The following SPINK8 variants were observed in gnomAD, a reference collection of about 807,000 sequenced individuals.
SPINK8 encodes the protein serine protease inhibitor Kazal-type 8.
SPINK8 carries 12 observed loss-of-function variants against 14.4 expected under a neutral mutation model. That is an observed-to-expected ratio of 0.83 (90% CI 0.53 to 1.35). The LOEUF (loss-of-function observed/expected upper bound fraction) is 1.35. SPINK8 is among the 40% of genes most tolerant of loss of function. The pLI is 0.00. For synonymous variants in SPINK8, 32 were observed against 37.6 expected, an observed-to-expected ratio of 0.85 and a Z score of 0.55; for missense variants, 103 against 117.0, an observed-to-expected ratio of 0.88 and a Z score of 0.55.
intron 2 of SPINK8, among the ~76,000 whole-genome samples, 119 bp from the exon 3 acceptor site, chr3:48,329,393 G>T (rs1399969011): frequency 6.6e-6 from 1 of 152,178 alleles, no homozygotes; most frequent in African/African-American, 2.4e-5. Flanking sequence ...TCAAATTTCT[G>T]AGGGTGATAT....
Position 48,306,935 on chromosome 3 carries a change from T to G in SPINK8, c.*57A>C. The G allele has an allele frequency of 1.3e-6, 2 of 1,589,570 alleles. No homozygotes were observed. The highest frequency in any genetic ancestry group is 1.7e-6 in the Non-Finnish European group (2 of 1,160,568). ...GGGATATATTTGAAGAGGCAACCAT[T>G]GTGTTTCACTTGGCAATCTGGAGAT... is the stretch of plus-strand genomic sequence containing the variant. On this transcript the variant is annotated 3_prime_UTR_variant, in exon 8 of 8. Coordinates refer to ENST00000434006, the MANE Select transcript of SPINK8 (RefSeq NM_001080525.3).
Position 48,330,467 on chromosome 3 carries a change from C to T in SPINK8, c.-135-1193G>A, listed in dbSNP as rs759462986. Among the ~76,000 whole-genome samples the T allele has an allele frequency of 4.6e-5, 7 of 152,180 alleles. No homozygotes were observed. The South Asian group carries it at 6.2e-4, about 14-fold the overall frequency. Reference sequence around the variant, plus strand: ...CCAAGAGGCAGAGGTTGCAGTAAGCCGAGATCGCGCCACTGCACTCTAGCT... The same window carrying T: ...CCAAGAGGCAGAGGTTGCAGTAAGCTGAGATCGCGCCACTGCACTCTAGCT... On this transcript the variant is annotated intron_variant, in intron 2 of 7. Coordinates refer to ENST00000434006, the MANE Select transcript of SPINK8 (RefSeq NM_001080525.3).
At chr3:48,325,427 AT>A (rs60106004) in intron 4 of SPINK8, among the ~76,000 whole-genome samples, 31,236 of 140,042 alleles carry the variant, frequency 0.22, 3,907 homozygotes, top group South Asian at 0.3. Context: ...TAACGTTGTA[AT>A]TTTTTTTTTT....
At position 48,328,265 on chromosome 3, in the gene SPINK8, C is replaced by T. The variant is rs2036172684; in HGVS notation, c.67+10G>A. On this transcript the variant is annotated intron_variant, in intron 4 of 7. Transcript: ENST00000434006. ...AGAAAATGTGGGCAGAGCAAGGACA[C>T]ATAACTCACCAATTGCAAAGGCCAT... The T allele has an allele frequency of 6.2e-7, 1 of 1,607,084 alleles. No homozygotes were observed. Among genetic ancestry groups the T allele is most frequent in the Non-Finnish European group, 8.5e-7 (1 of 1,176,472 alleles).
At chr3:48,314,775 C>G (rs2035964410) in intron 6 of SPINK8, among the ~76,000 whole-genome samples, 1 of 152,098 alleles carries the variant, frequency 6.6e-6, no homozygotes, top group Admixed American at 6.6e-5. Flanking sequence ...ATAGGTTAAC[C>G]AAGAGCTTAA....
chr3:48,309,065 T>G (rs890270526), intron 7 of SPINK8, among the ~76,000 whole-genome samples: 1 of 152,216 alleles, frequency 6.6e-6, no homozygotes, highest in Non-Finnish European at 1.5e-5. Context: ...CGTCCCTAAG[T>G]GAGTAATATG....
intron 4 of SPINK8, among the ~76,000 whole-genome samples, chr3:48,321,297 A>G (rs565292044): frequency 2.6e-5 from 4 of 152,248 alleles, no homozygotes; most frequent in South Asian, 2.1e-4. Context: ...TAGCCCTTCC[A>G]TTTCATAAGT....
chr3:48,333,037 G>A (rs1350842048), intron 1 of SPINK8, among the ~76,000 whole-genome samples: 2 of 152,044 alleles, frequency 1.3e-5, no homozygotes, highest in Non-Finnish European at 2.9e-5. Flanking sequence ...TTATTAGTTG[G>A]GGAAGGAGCC....
intron 6 of SPINK8, among the ~76,000 whole-genome samples, chr3:48,318,981 G>A (rs373920171): frequency 1.1e-3 from 173 of 152,338 alleles, no homozygotes; most frequent in African/African-American, 4.0e-3. Context: ...CGTTTCACTT[G>A]TGTGTTACTC....
intron 4 of SPINK8, among the ~76,000 whole-genome samples, chr3:48,325,078 A>C (rs1371902927): frequency 1.3e-5 from 2 of 152,062 alleles, no homozygotes; most frequent in African/African-American, 4.8e-5. Flanking sequence ...TTTGAAGTAT[A>C]TTTTGTCTGA....
At chr3:48,307,257 G>A (rs966487098) in intron 7 of SPINK8, among the ~76,000 whole-genome samples, 2 of 152,142 alleles carry the variant, frequency 1.3e-5, no homozygotes, top group Non-Finnish European at 2.9e-5. Context: ...ACTCCTGAGG[G>A]GATAGAGGCA....
chr3:48,320,979 C>A, intron 5 of SPINK8, 46 bp downstream of exon 5: 1 of 1,561,178 alleles, frequency 6.4e-7, no homozygotes, highest in Non-Finnish European at 8.7e-7. Context: ...GGCAAACTGG[C>A]TCTCTCCCCA....
At chr3:48,317,445 A>G (rs956587914) in intron 6 of SPINK8, among the ~76,000 whole-genome samples, 8 of 152,192 alleles carry the variant, frequency 5.3e-5, no homozygotes, top group African/African-American at 1.9e-4. Flanking sequence ...CCGAGACCAC[A>G]GTATTGCACT....
chr3:48,323,682 G>C (rs1331680668), intron 4 of SPINK8, among the ~76,000 whole-genome samples: 1 of 152,202 alleles, frequency 6.6e-6, no homozygotes, highest in African/African-American at 2.4e-5. Flanking sequence ...AGTTGTCCTA[G>C]CAGCATTTGT....
intron 6 of SPINK8, among the ~76,000 whole-genome samples, chr3:48,312,723 G>A (rs904362194): frequency 6.6e-6 from 1 of 152,082 alleles, no homozygotes; most frequent in Non-Finnish European, 1.5e-5. Context: ...ATGGGGCCGG[G>A]CGTGGTGGCT....
In SPINK8 at chr3:48,313,873, A is replaced by ATAAT. The variant is rs1487828980; in HGVS notation, c.240-3931_240-3928dup. ...CCAGACACAAAAGATCATAGGTTGT[A>ATAAT]TAATTCCAGTTATGTGAAATATACA... On this transcript the variant is annotated intron_variant, in intron 6 of 7. Transcript: ENST00000434006. 1.9e-3 allele frequency among the ~76,000 whole-genome samples: 285 copies of ATAAT among 152,384 alleles called. 2 individuals carry two copies. The highest frequency in any genetic ancestry group is 1.2e-3 in the Non-Finnish European group (80 of 68,040).
intron 4 of SPINK8, among the ~76,000 whole-genome samples, chr3:48,325,391 CTAAG>C (rs1453819428): frequency 6.6e-6 from 1 of 150,658 alleles, no homozygotes; most frequent in African/African-American, 2.4e-5. Context: ...TTGTGTTGCA[CTAAG>C]TAAGTAAGTA....
chr3:48,309,479 C>T (rs377300624), intron 7 of SPINK8, among the ~76,000 whole-genome samples: 54 of 152,146 alleles, frequency 3.5e-4, no homozygotes, highest in African/African-American at 1.3e-3. Context: ...ATTATCAGGC[C>T]AAATTATGTT....
chr3:48,324,752 G>T (rs1454398545), intron 4 of SPINK8, among the ~76,000 whole-genome samples: 2 of 152,180 alleles, frequency 1.3e-5, no homozygotes, highest in African/African-American at 2.4e-5. Flanking sequence ...CACCTGAGCA[G>T]TATGTGTATT....
Sources: allele counts gnomAD v4.1 joint callset (sites outside exome capture counted in the v4.1 genomes callset), GRCh38; gene constraint gnomAD v4.1.1; transcripts MANE v1.5; gene names NCBI Gene and HGNC (gene_info 2026-07-23, HGNC 2026-07-21).